Variants in SPIN1 observed in about 807,000 individuals in gnomAD.
SPIN1 encodes the protein spindlin-1.
Under a neutral mutation model 26.0 loss-of-function variants are expected in SPIN1, and 3 were observed. The ratio of observed to expected loss-of-function variants is 0.12; its 90% CI spans 0.05 to 0.30. SPIN1 has a LOEUF of 0.30. Among genes scored for constraint, SPIN1 ranks in the 10% least tolerant of loss-of-function variants. The pLI, the probability that SPIN1 is intolerant of heterozygous loss-of-function variation, is 1.00. For missense variants in SPIN1, 126 were observed against 333.4 expected (o/e 0.38, Z 4.84); for synonymous variants, 101 against 116.5 (o/e 0.87, Z 0.86).
intron 1 of SPIN1, chr9:88,410,839 A>G: frequency 1.1e-6 from 1 of 922,256 alleles, no homozygotes; most frequent in Non-Finnish European, 1.8e-6. Flanking sequence ...ATTCCCACTG[A>G]AACCACCTCC....
chr9:88,400,359 G>C (rs1006627501), intron 1 of SPIN1, among the ~76,000 whole-genome samples: 5 of 152,172 alleles, frequency 3.3e-5, no homozygotes, highest in African/African-American at 1.2e-4. Context: ...ACATAAAGTT[G>C]AATCAGGCAG....
rs1827770193 is a variant in SPIN1, at chr9:88,426,707, G to A, written c.52+116G>A. 10 of 848,800 alleles carry A rather than the reference G, an allele frequency of 1.2e-5. No individual in the cohort carries two copies. The South Asian group carries it at 1.5e-4, about 13-fold the overall frequency. 52.6% of individuals were successfully genotyped at this position (848,800 alleles called of 1,614,324 possible). A position where few individuals can be genotyped will look rare whatever the true frequency, so the allele number is the denominator to read the frequency against. On this transcript the variant is annotated intron_variant, in intron 2 of 5. Coordinates refer to ENST00000375859, the MANE Select transcript of SPIN1 (RefSeq NM_006717.3). ...CTAGTGAAAAACTTTGTCATTTCTA[G>A]TATGTTATACACATATGCATATATT...
rs574508861 is a variant in SPIN1 at position 88,464,273 on chromosome 9, CATTGAA to C, written c.355+1532_355+1537del. Among the ~76,000 whole-genome samples, 282 of 152,286 alleles carry C rather than the reference CATTGAA, an allele frequency of 1.9e-3. 1 individual carries two copies. Among genetic ancestry groups the C allele is most frequent in the South Asian group, 6.4e-3 (31 of 4,828 alleles). On this transcript the variant is annotated intron_variant, in intron 4 of 5. Coordinates refer to ENST00000375859, the MANE Select transcript of SPIN1 (RefSeq NM_006717.3). ...GTGCAAAAGTAATTGCGGTTTTTGA[CATTGAA>C]ATTGAAAGTAATGGCCAAAACAGCA...
intron 5 of SPIN1, among the ~76,000 whole-genome samples, chr9:88,471,352 A>G (rs571876474): frequency 4.6e-5 from 7 of 152,084 alleles, no homozygotes; most frequent in Admixed American, 6.6e-5. Flanking sequence ...TGAAAAGACT[A>G]TTCTTTCCCC....
intron 2 of SPIN1, among the ~76,000 whole-genome samples, chr9:88,429,090 C>T (rs1238161688): frequency 6.6e-6 from 1 of 152,136 alleles, no homozygotes; most frequent in East Asian, 1.9e-4. Flanking sequence ...TGGTCTTCAA[C>T]TCCTGAGCTG....
At chr9:88,413,065 GTTTTT>G (rs148350918) in intron 1 of SPIN1, among the ~76,000 whole-genome samples, 2 of 128,030 alleles carry the variant, frequency 1.6e-5, no homozygotes, top group African/African-American at 6.2e-5. Flanking sequence ...TTAAAATTAA[GTTTTT>G]TTTTTTTTTT....
intron 3 of SPIN1, among the ~76,000 whole-genome samples, chr9:88,458,131 G>C (rs977284427): frequency 1.3e-5 from 2 of 152,206 alleles, no homozygotes; most frequent in Non-Finnish European, 2.9e-5. Flanking sequence ...TGGAAGACTA[G>C]AAGCAAGTTA....
At chr9:88,397,379 C>G (rs562723474) in intron 1 of SPIN1, among the ~76,000 whole-genome samples, 21 of 151,994 alleles carry the variant, frequency 1.4e-4, no homozygotes, top group Non-Finnish European at 2.9e-4. Flanking sequence ...TTCCTTTGCT[C>G]CAGTTGTGTG....
At chr9:88,404,129 C>G (rs1399221335) in intron 1 of SPIN1, among the ~76,000 whole-genome samples, 2 of 152,076 alleles carry the variant, frequency 1.3e-5, no homozygotes, top group Non-Finnish European at 1.5e-5. Flanking sequence ...CAGTGAAAAC[C>G]TGGTATAAAA....
At chr9:88,424,004 G>C (rs1414799635) in intron 1 of SPIN1, among the ~76,000 whole-genome samples, 1 of 152,170 alleles carries the variant, frequency 6.6e-6, no homozygotes, top group African/African-American at 2.4e-5. Context: ...TTGAGCTCAA[G>C]TGATCTGCCT....
At chr9:88,445,118 G>C (rs1030279410) in intron 2 of SPIN1, among the ~76,000 whole-genome samples, 1 of 152,244 alleles carries the variant, frequency 6.6e-6, no homozygotes, top group East Asian at 1.9e-4. Context: ...AGTACATCCA[G>C]TGTGGGGTTG....
chr9:88,395,106 C>A (rs1331750132), intron 1 of SPIN1, among the ~76,000 whole-genome samples: 1 of 151,884 alleles, frequency 6.6e-6, no homozygotes, highest in Non-Finnish European at 1.5e-5. Context: ...CCGCGCCTGG[C>A]CTATTTAATG....
chr9:88,437,990 A>T (rs759268043), intron 2 of SPIN1, among the ~76,000 whole-genome samples: 6 of 152,016 alleles, frequency 3.9e-5, no homozygotes, highest in Non-Finnish European at 7.4e-5. Flanking sequence ...TGTCTCTACT[A>T]AAAATAGAAA....
intron 1 of SPIN1, chr9:88,419,035 C>T (rs941475904): frequency 3.3e-5 from 5 of 152,182 alleles, no homozygotes; most frequent in East Asian, 3.8e-4. Context: ...GTTCATGACA[C>T]ATTTTTAAGA....
intron 1 of SPIN1, among the ~76,000 whole-genome samples, chr9:88,408,376 C>CTTTTTTTTTTTT (rs1177261349): frequency 8.7e-6 from 1 of 115,438 alleles, no homozygotes; most frequent in Non-Finnish European, 1.7e-5. Flanking sequence ...TCCTTTTTTT[C>CTTTTTTTTTTTT]TTTTTTTTTT....
In SPIN1 at chr9:88,478,391, G is replaced by A. The variant is rs1828924093; in HGVS notation, c.*3114G>A. 6.6e-6 allele frequency: 1 copy of A among 152,594 alleles called. No individual in the cohort carries two copies. The highest frequency in any genetic ancestry group is 1.5e-5 in the Non-Finnish European group (1 of 68,026). 9.5% of individuals were successfully genotyped at this position (152,594 alleles called of 1,614,324 possible). A position where few individuals can be genotyped will look rare whatever the true frequency, so the allele number is the denominator to read the frequency against. ...ATAACAAAATAATTATGGTTGAAAT[G>A]TCTGTGGTTCCTTGGAAATGCTGCG... is the stretch of plus-strand genomic sequence containing the variant. On this transcript the variant is annotated 3_prime_UTR_variant, in exon 6 of 6. Transcript: ENST00000375859.
intron 2 of SPIN1, among the ~76,000 whole-genome samples, chr9:88,427,786 A>T (rs2118028635): frequency 6.6e-6 from 1 of 151,918 alleles, no homozygotes; most frequent in South Asian, 2.1e-4. Flanking sequence ...TTTAGTAGAG[A>T]TGGGGTTTTG....
intron 1 of SPIN1, among the ~76,000 whole-genome samples, chr9:88,412,957 C>T (rs1396666048): frequency 1.3e-5 from 2 of 151,904 alleles, no homozygotes; most frequent in African/African-American, 4.8e-5. Context: ...GCTGGGATTA[C>T]AGGCGTGAGC....
intron 5 of SPIN1, among the ~76,000 whole-genome samples, chr9:88,470,072 G>C (rs1298876862): frequency 6.6e-6 from 1 of 152,168 alleles, no homozygotes; most frequent in Non-Finnish European, 1.5e-5. Context: ...TATATGGTGT[G>C]AGGTCCTTTG....
Sources: allele counts gnomAD v4.1 joint callset (sites outside exome capture counted in the v4.1 genomes callset), GRCh38; gene constraint gnomAD v4.1.1; transcripts MANE v1.5; gene names NCBI Gene and HGNC (gene_info 2026-07-23, HGNC 2026-07-21).